The following SALL4 variants were observed in gnomAD, a reference collection of about 807,000 sequenced individuals.
SALL4 encodes sal-like protein 4.
SALL4 carries 4 observed loss-of-function variants against 60.8 expected under a neutral mutation model. The ratio of observed to expected loss-of-function variants is 0.07; its 90% confidence interval spans 0.03 to 0.15. The LOEUF (loss-of-function observed/expected upper bound fraction) is 0.15, where lower values mean the gene tolerates loss of function less well. SALL4 is among the 10% of genes least tolerant of loss of function. The pLI, the probability that SALL4 is intolerant of heterozygous loss-of-function variation, is 1.00. For missense variants in SALL4, 1,178 were observed against 1,394.7 expected (o/e 0.84, Z 2.48); for synonymous variants, 580 against 574.9 (o/e 1.01, Z -0.13).
chr20:51,785,081 T>C (rs1046878989), intron 3 of SALL4, among the ~76,000 whole-genome samples: 2 of 152,052 alleles, frequency 1.3e-5, no homozygotes, highest in African/African-American at 4.8e-5. Context: ...GGTGGGCAGA[T>C]CACTTGAGGT....
intron 1 of SALL4, among the ~76,000 whole-genome samples, chr20:51,794,224 T>A (rs922777057): frequency 6.6e-6 from 1 of 152,202 alleles, no homozygotes; most frequent in African/African-American, 2.4e-5. Flanking sequence ...TATCTTCCTA[T>A]AATTCAGATT....
chr20:51,798,279 A>T (rs2078090246), intron 1 of SALL4, among the ~76,000 whole-genome samples: 2 of 152,216 alleles, frequency 1.3e-5, no homozygotes, highest in Non-Finnish European at 2.9e-5. Context: ...TGGCTCAAAG[A>T]AAGTTTCACA....
At chr20:51,794,981 G>A (rs1490844534) in intron 1 of SALL4, among the ~76,000 whole-genome samples, 1 of 152,072 alleles carries the variant, frequency 6.6e-6, no homozygotes, top group Non-Finnish European at 1.5e-5. Context: ...GAAGGGGTGG[G>A]AGTCGACCAC....
rs762363157 is a variant in SALL4 at position 51,791,633 on chromosome 20, G to C, written c.850C>G (p.Leu284Val). 3 of 1,613,988 alleles carry C rather than the reference G, an allele frequency of 1.9e-6. No homozygotes were observed. Among genetic ancestry groups the C allele is most frequent in the Admixed American group, 3.3e-5 (2 of 60,032 alleles). The change falls in exon 2 of 4, where the codon CTG (leucine) becomes GTG (valine). Residue 284 changes from leucine to valine, a missense_variant. Physicochemically the swap from Leu to Val is conservative, Grantham distance 32. Around this residue, in one of 5 missense-constraint regions of SALL4, gnomAD observed 853 missense variants for 1,036.8 expected, o/e 0.82. Coordinates refer to ENST00000217086, the MANE Select transcript of SALL4 (RefSeq NM_020436.5). The surrounding 1 kb of genome is among the most constrained non-coding windows in gnomAD (Gnocchi z 4.6). ...LLSQKAGSQG[L>V]SLDALKQAKL... ...GCTTGTTTCAAGGCATCCAGAGACA[G>C]ACCTTGGCTTCCAGCTTTCTGGCTG...
chr20:51,796,043 A>G (rs2078077212), intron 1 of SALL4, among the ~76,000 whole-genome samples: 1 of 151,890 alleles, frequency 6.6e-6, no homozygotes. Context: ...AAAAATAGAA[A>G]AATTAGCCAG....
In SALL4 at chr20:51,788,433, G is replaced by C. The variant is rs1051884398; in HGVS notation, c.2742+428C>G. On this transcript the variant is annotated intron_variant, in intron 3 of 3. Transcript: ENST00000217086. The surrounding 1 kb of genome is among the most constrained non-coding windows in gnomAD (Gnocchi z 4.1). ...CAGCTGGGTGCAGTGGCTCATGCCTGTAATCCCAGCACTTTGGGAGGCCGA... is the reference window on the plus strand; with the variant it reads ...CAGCTGGGTGCAGTGGCTCATGCCTCTAATCCCAGCACTTTGGGAGGCCGA... Among the ~76,000 whole-genome samples the C allele has an allele frequency of 6.6e-6, 1 of 152,024 alleles. No homozygotes were observed. The highest frequency in any genetic ancestry group is 2.4e-5 in the African/African-American group (1 of 41,394).
rs767919130 is a variant in SALL4, at chr20:51,789,105, G to T, written c.2498C>A (p.Pro833Gln). The T allele has an allele frequency of 6.2e-7, 1 of 1,614,148 alleles. No homozygotes were observed. The highest frequency in any genetic ancestry group is 2.2e-5 in the East Asian group (1 of 44,884). The stretch of plus-strand genomic sequence containing the variant: ...AACTTCAACCTTGACATAGGTCGGC[G>T]GGGCTCGGATAAACGTGGAAGGGAG... Reference protein sequence around the residue: ...SSLPSTFIRAPPTYVKVEVPG... With the variant: ...SSLPSTFIRAQPTYVKVEVPG... The change falls in exon 3 of 4, where the codon CCG becomes CAG. Residue 833 changes from proline to glutamine, a missense_variant. This residue lies in a region of SALL4 where 853 missense variants were observed against 1,036.8 expected (regional missense o/e 0.82). Coordinates refer to ENST00000217086, the MANE Select transcript of SALL4 (RefSeq NM_020436.5).
intron 3 of SALL4, among the ~76,000 whole-genome samples, chr20:51,786,089 G>GT (rs763670225): frequency 0.53 from 67,336 of 127,062 alleles, 18,632 homozygotes; most frequent in East Asian, 0.8. Flanking sequence ...CCAGCTAATT[G>GT]TTTTTTTTTT....
In SALL4 at chr20:51,790,814, T is replaced by C. The variant is rs2078032939; in HGVS notation, c.1669A>G (p.Asn557Asp). ...GGATCAGTGGTGGCCTTGTCAATGT[T>C]CTCCACCAACTGCTGCAATTTCAGG... ...ETLKLQQLVE[N>D]IDKATTDPNE... Residue 557 changes from asparagine to aspartate, a missense_variant, in exon 2 of 4, where the codon AAC becomes GAC. Physicochemically the swap from Asn to Asp is conservative, Grantham distance 23 (BLOSUM62 1). Around this residue, in one of 5 missense-constraint regions of SALL4, gnomAD observed 853 missense variants for 1,036.8 expected, o/e 0.82. Coordinates refer to ENST00000217086, the MANE Select transcript of SALL4 (RefSeq NM_020436.5). This position sits in a 1 kb window ranked among gnomAD's most constrained non-coding sequence, Gnocchi z 5.5. 4 of 1,614,084 alleles carry C rather than the reference T, an allele frequency of 2.5e-6. No homozygotes were observed. In the East Asian group the frequency reaches 8.9e-5, roughly 36 times the overall value.
intron 1 of SALL4, among the ~76,000 whole-genome samples, chr20:51,794,600 G>C (rs1290187965): frequency 6.6e-6 from 1 of 152,084 alleles, no homozygotes; most frequent in Non-Finnish European, 1.5e-5. Flanking sequence ...GAAAAACAGA[G>C]ACTCTGAGAA....
In SALL4 at chr20:51,788,550, C is replaced by T. The variant is rs2078009164; in HGVS notation, c.2742+311G>A. 6.6e-6 allele frequency among the ~76,000 whole-genome samples: 1 copy of T among 151,984 alleles called. No homozygotes were observed. The highest frequency in any genetic ancestry group is 1.5e-5 in the Non-Finnish European group (1 of 67,998). ...CTAAAAATACAAAAAAATTAGCCGG[C>T]CATGGTGGCGGACGCCTGTAGTCCC... On this transcript the variant is annotated intron_variant, in intron 3 of 3. Coordinates refer to ENST00000217086, the MANE Select transcript of SALL4 (RefSeq NM_020436.5). The surrounding 1 kb of genome is among the most constrained non-coding windows in gnomAD (Gnocchi z 4.1).
intron 1 of SALL4, among the ~76,000 whole-genome samples, chr20:51,797,838 G>A (rs2078087795): frequency 6.6e-6 from 1 of 151,922 alleles, no homozygotes. Context: ...TCTTACTATT[G>A]TATAGGAAGA....
At position 51,782,658 on chromosome 20, in the gene SALL4, C is replaced by T. The variant is rs1023867767; in HGVS notation, c.*1607G>A. On this transcript the variant is annotated 3_prime_UTR_variant, in exon 4 of 4. Transcript: ENST00000217086. ...TCTTGGATGCATATTTCCGTCAGGA[C>T]CTTCCACATAGAGGGGAAAGACTTT... The T allele has an allele frequency of 1.3e-5, 2 of 151,614 alleles. 1 individual carries two copies. Among genetic ancestry groups the T allele is most frequent in the East Asian group, 3.9e-4 (2 of 5,160 alleles). The allele number at this position is 151,614 out of a possible 1,614,324, so 9.4% of individuals were successfully genotyped here.
At chr20:51,796,562 C>T (rs988180877) in intron 1 of SALL4, among the ~76,000 whole-genome samples, 1 of 152,174 alleles carries the variant, frequency 6.6e-6, no homozygotes, top group Admixed American at 6.5e-5. Context: ...AGATTAGACA[C>T]CCTTGCCTTA....
At chr20:51,784,791 A>C in intron 3 of SALL4, 107 bp from the exon 4 acceptor site, 1 of 1,267,484 alleles carries the variant, frequency 7.9e-7, no homozygotes, top group Non-Finnish European at 1.1e-6. Flanking sequence ...GTGTTTTAAC[A>C]TATAGATGAT....
chr20:51,791,174 C>G lies in SALL4; in HGVS notation c.1309G>C (p.Ala437Pro). ...VHFHRHPQVK[A>P]NPQLFAEFQD... ...AACTCGGCAAACAGCTGGGGGTTTG[C>G]CTTCACCTGGGGATGTCGGTGAAAG... Residue 437 changes from alanine (A) to proline (P), a missense_variant, in exon 2 of 4, where the codon GCA (alanine) becomes CCA (proline). Ala to Pro is a conservative substitution (Grantham distance 27, BLOSUM62 -1). Around this residue, in one of 5 missense-constraint regions of SALL4, gnomAD observed 853 missense variants for 1,036.8 expected, o/e 0.82. Coordinates refer to ENST00000217086, the MANE Select transcript of SALL4 (RefSeq NM_020436.5). The surrounding 1 kb of genome is among the most constrained non-coding windows in gnomAD (Gnocchi z 4.6). 1 of 1,614,128 alleles carries G rather than the reference C, an allele frequency of 6.2e-7. No individual in the cohort carries two copies. Among genetic ancestry groups the G allele is most frequent in the Admixed American group, 1.7e-5 (1 of 60,016 alleles).
Position 51,790,141 on chromosome 20 carries a change from T to A in SALL4, c.2342A>T (p.Glu781Val). ...GGAGAGTGCCTGGAAGGATGTGGTT[T>A]CCAGGATATCTGGGCTTCGGCTCTG... is the stretch of plus-strand genomic sequence containing the variant. ...EYQSRSPDIL[E>V]TTSFQALSPA... The change falls in exon 2 of 4, where the codon GAA becomes GTA. Residue 781 changes from glutamate to valine, a missense_variant. Transcript: ENST00000217086. This position sits in a 1 kb window ranked among gnomAD's most constrained non-coding sequence, Gnocchi z 5.5. 1 of 1,614,156 alleles carries A rather than the reference T, an allele frequency of 6.2e-7. No individual in the cohort carries two copies. Among genetic ancestry groups the A allele is most frequent in the African/African-American group, 1.3e-5 (1 of 75,038 alleles).
In SALL4 at chr20:51,791,520, C is replaced by A. The variant is rs374815682; in HGVS notation, c.963G>T (p.Arg321=). 7 of 1,613,990 alleles carry A rather than the reference C, an allele frequency of 4.3e-6. No homozygotes were observed. The African/African-American group carries it at 5.3e-5, about 12-fold the overall frequency. Residue 321 remains arginine, a synonymous_variant, in exon 2 of 4, where the codon CGG becomes CGT. Coordinates refer to ENST00000217086, the MANE Select transcript of SALL4 (RefSeq NM_020436.5). This position sits in a 1 kb window ranked among gnomAD's most constrained non-coding sequence, Gnocchi z 4.6. The part of the protein sequence containing the change: ...APFTLKPDGT[R]VLPNVMSRLP... ...GGCGGGACATGACGTTCGGGAGCAC[C>A]CGGGTCCCATCCGGCTTCAGAGTGA...
intron 1 of SALL4, among the ~76,000 whole-genome samples, chr20:51,793,824 T>C (rs1336445327): frequency 2.0e-5 from 3 of 152,190 alleles, no homozygotes; most frequent in African/African-American, 4.8e-5. Context: ...AATCTTTACT[T>C]ATTTCAGACT....
Sources: gnomAD v4.1 joint callset for allele counts (sites outside exome capture counted in the v4.1 genomes callset) on GRCh38, gnomAD v4.1.1 for gene constraint, gnomAD v4.1.1 regional missense constraint, Gnocchi (gnomAD v3.1) non-coding constraint, MANE v1.5 for transcripts, NCBI Gene and HGNC (gene_info 2026-07-23, HGNC 2026-07-21) for gene names.